EVC: variants seen among roughly 807,000 people sequenced by gnomAD.
EVC encodes evC complex member EVC.
In EVC, 116 loss-of-function variants were observed where a neutral mutation model predicts 118.9. The ratio of observed to expected loss-of-function variants is 0.98; its 90% confidence interval spans 0.84 to 1.14. The LOEUF (loss-of-function observed/expected upper bound fraction) is 1.14, where lower values mean the gene tolerates loss of function less well. EVC is among the 50% of genes most tolerant of loss of function. The pLI is 0.00. For missense variants in EVC, 1,401 were observed against 1,246.4 expected (o/e 1.12, Z -1.87); for synonymous variants, 619 against 534.7 (o/e 1.16, Z -2.18).
chr4:5,821,586 A>G, the EVC span: 1 of 635,174 alleles, frequency 1.6e-6, no homozygotes, highest in South Asian at 2.2e-5. The surrounding 1 kb of genome is among the most constrained non-coding windows in gnomAD (Gnocchi z 4.4). Context: ...TTTCCAAGCA[A>G]ACACACCACA....
intron 4 of EVC, among the ~76,000 whole-genome samples, chr4:5,732,090 C>A (rs1486764281): frequency 7.1e-6 from 1 of 141,420 alleles, no homozygotes; most frequent in Non-Finnish European, 1.6e-5. Flanking sequence ...CCGTTTAACA[C>A]CCCTATGAAG....
rs376358225 is a variant in EVC at position 5,724,844 on chromosome 4, T to C, written c.301-4463T>C. Among the ~76,000 whole-genome samples, 9 of 152,248 alleles carry C rather than the reference T, an allele frequency of 5.9e-5. No individual in the cohort carries two copies. The East Asian group carries it at 1.7e-3, about 29-fold the overall frequency. On this transcript the variant is annotated intron_variant, in intron 2 of 20. Transcript: ENST00000264956. ...CTTAACCTAGGTGTTAAGCCCAGCA[T>C]GCACTAGCTATTCTCCCTGATCCTC... is the stretch of plus-strand genomic sequence containing the variant.
In EVC at chr4:5,755,200, G is replaced by A. The variant is rs1056974652; in HGVS notation, c.1465-1064G>A. On this transcript the variant is annotated intron_variant, in intron 10 of 20. Transcript: ENST00000264956. This position sits in a 1 kb window ranked among gnomAD's most constrained non-coding sequence, Gnocchi z 4.1. The stretch of plus-strand genomic sequence containing the variant: ...GGAAGATAAGGCTATTCAGCTCCTC[G>A]TTATTTGGATATTTCTGGGCCCCTG... Among the ~76,000 whole-genome samples, 3 of 152,258 alleles carry A rather than the reference G, an allele frequency of 2.0e-5. No homozygotes were observed. The highest frequency in any genetic ancestry group is 2.9e-5 in the Non-Finnish European group (2 of 68,024).
At chr4:5,778,611 G>A (rs1225157457) in intron 11 of EVC, among the ~76,000 whole-genome samples, 1 of 152,144 alleles carries the variant, frequency 6.6e-6, no homozygotes, top group Non-Finnish European at 1.5e-5. Flanking sequence ...ATTTTTTCAT[G>A]TGTTTTTTTG....
rs531775650 is a variant in EVC, at chr4:5,766,217, T to C, written c.1563+9855T>C. On this transcript the variant is annotated intron_variant, in intron 11 of 20. Transcript: ENST00000264956. Reference sequence around the variant, plus strand: ...GGTTGAAAATTCTTTTCTTTAAGAATGTTGGATATTGGCCCCCACTCTCTT... The same window carrying C: ...GGTTGAAAATTCTTTTCTTTAAGAACGTTGGATATTGGCCCCCACTCTCTT... 4.1e-4 allele frequency among the ~76,000 whole-genome samples: 62 copies of C among 151,828 alleles called. 1 individual carries two copies. The East Asian group carries it at 0.01, about 26-fold the overall frequency.
intron 3 of EVC, among the ~76,000 whole-genome samples, chr4:5,730,464 C>T (rs1377899554): frequency 2.1e-5 from 3 of 141,720 alleles, no homozygotes; most frequent in Non-Finnish European, 4.7e-5. Context: ...ACATCCTTCA[C>T]GTGGTTGAAG....
At chr4:5,712,427 G>A (rs1168402506) in intron 1 of EVC, among the ~76,000 whole-genome samples, 1 of 152,204 alleles carries the variant, frequency 6.6e-6, no homozygotes, top group Admixed American at 6.5e-5. Flanking sequence ...TCCTATGCAA[G>A]TGGCCCTCAT....
chr4:5,820,027 G>A, the EVC span, among the ~76,000 whole-genome samples: 30 of 152,192 alleles, frequency 2.0e-4, no homozygotes, highest in Non-Finnish European at 3.5e-4. Flanking sequence ...GGAGCAAGGA[G>A]CTTTGGACTA....
chr4:5,766,768 C>G, intron 11 of EVC, among the ~76,000 whole-genome samples: 1 of 134,802 alleles, frequency 7.4e-6, no homozygotes, highest in Admixed American at 7.4e-5. Context: ...CTCCTTTAAG[C>G]ACTTCTCTGT....
intron 2 of EVC, among the ~76,000 whole-genome samples, chr4:5,722,238 C>T (rs890050768): frequency 4.6e-5 from 7 of 152,160 alleles, no homozygotes; most frequent in African/African-American, 1.4e-4. Flanking sequence ...GGAATAAGTG[C>T]TCAATCAGTG....
chr4:5,740,646 G>C (rs1728398997), intron 5 of EVC, among the ~76,000 whole-genome samples: 1 of 152,110 alleles, frequency 6.6e-6, no homozygotes, highest in African/African-American at 2.4e-5. Context: ...AAGAAGATGA[G>C]AAGACAAGCT....
intron 11 of EVC, among the ~76,000 whole-genome samples, chr4:5,777,085 T>A (rs761168585): frequency 6.6e-5 from 10 of 152,302 alleles, no homozygotes; most frequent in Non-Finnish European, 1.3e-4. Context: ...TGTGTCTGTT[T>A]ATATTTTGTG....
At chr4:5,769,001 G>A (rs1733495032) in intron 11 of EVC, among the ~76,000 whole-genome samples, 3 of 152,062 alleles carry the variant, frequency 2.0e-5, no homozygotes, top group African/African-American at 7.3e-5. Flanking sequence ...CCCCTTCTTT[G>A]GGCATGACAC....
chr4:5,734,182 A>C (rs1727311405), intron 5 of EVC, among the ~76,000 whole-genome samples: 1 of 152,060 alleles, frequency 6.6e-6, no homozygotes, highest in South Asian at 2.1e-4. Context: ...ACGGGGGTTA[A>C]AAAAAAGTGT....
At chr4:5,769,235 G>C (rs1171981371) in intron 11 of EVC, among the ~76,000 whole-genome samples, 3 of 152,266 alleles carry the variant, frequency 2.0e-5, no homozygotes, top group Middle Eastern at 3.4e-3. Context: ...GCAAGAGAGA[G>C]CATGTGCAGG....
chr4:5,823,758 G>T, the EVC span, among the ~76,000 whole-genome samples: 1 of 152,100 alleles, frequency 6.6e-6, no homozygotes, highest in Non-Finnish European at 1.5e-5. Context: ...CGCTGGCACC[G>T]TGCTGCTTGT....
intron 18 of EVC, among the ~76,000 whole-genome samples, chr4:5,808,854 T>TA (rs1038988238): frequency 6.6e-6 from 1 of 152,154 alleles, no homozygotes; most frequent in Admixed American, 6.5e-5. Context: ...TGGCTGCCTT[T>TA]AAAAAAATCA....
At chr4:5,827,970 A>C in the EVC span, 1 of 921,212 alleles carries the variant, frequency 1.1e-6, no homozygotes, top group Admixed American at 6.2e-5. Flanking sequence ...GTTCAAGGAA[A>C]ATAAGGAACG....
chr4:5,793,473 GT>G (rs1713170867), intron 12 of EVC, 134 bp from the exon 13 acceptor site: 1 of 793,708 alleles, frequency 1.3e-6, no homozygotes, highest in Non-Finnish European at 2.2e-6. Context: ...AAGAGAAAAT[GT>G]TAATGAAATC....
Sources: gnomAD v4.1 joint callset for allele counts (sites outside exome capture counted in the v4.1 genomes callset) on GRCh38, gnomAD v4.1.1 for gene constraint, Gnocchi (gnomAD v3.1) non-coding constraint, MANE v1.5 for transcripts, NCBI Gene and HGNC (gene_info 2026-07-23, HGNC 2026-07-21) for gene names.